LPXN: variants seen among roughly 807,000 people sequenced by gnomAD.
LPXN encodes the protein leupaxin.
In LPXN, 28 loss-of-function variants were observed where a neutral mutation model predicts 45.6. That is an observed-to-expected ratio of 0.61 (90% CI 0.45 to 0.84). The LOEUF (loss-of-function observed/expected upper bound fraction) is 0.84. Ranked by LOEUF, LPXN falls within the 40% of genes least tolerant of loss-of-function variation. The pLI is 0.00. For synonymous variants in LPXN, 166 were observed against 169.9 expected, an observed-to-expected ratio of 0.98 and a Z score of 0.18; for missense variants, 459 against 475.0, an observed-to-expected ratio of 0.97 and a Z score of 0.31.
chr11:58,532,280 C>A (rs1853413786), intron 7 of LPXN, among the ~76,000 whole-genome samples: 1 of 152,238 alleles, frequency 6.6e-6, no homozygotes, highest in Admixed American at 6.5e-5. Context: ...CTGCCCCCTG[C>A]TCCGAGGCGC....
At chr11:58,542,140 T>A (rs920794079) in intron 7 of LPXN, among the ~76,000 whole-genome samples, 1 of 151,772 alleles carries the variant, frequency 6.6e-6, no homozygotes, top group Non-Finnish European at 1.5e-5. Flanking sequence ...TGTATACATA[T>A]GTAACTAACC....
At position 58,575,840 on chromosome 11, in the gene LPXN, A is replaced by C. The variant is rs1352394623; in HGVS notation, c.-68T>G. ...ACAGCTTTGGCATGTGCTGAAGAAG[A>C]GGACCGCAAAGGAACTGGATGAGAC... On this transcript the variant is annotated 5_prime_UTR_variant, in exon 1 of 9. Coordinates refer to ENST00000395074, the MANE Select transcript of LPXN (RefSeq NM_004811.3). 1 of 1,614,042 alleles carries C rather than the reference A, an allele frequency of 6.2e-7. No homozygotes were observed. The highest frequency in any genetic ancestry group is 8.5e-7 in the Non-Finnish European group (1 of 1,179,950).
chr11:58,571,850 A>G (rs547443244), intron 1 of LPXN, among the ~76,000 whole-genome samples: 1 of 152,226 alleles, frequency 6.6e-6, no homozygotes, highest in South Asian at 2.1e-4. Context: ...AGAAAGAGAC[A>G]AAAATAATTT....
At chr11:58,550,806 G>A (rs1273663122) in intron 5 of LPXN, among the ~76,000 whole-genome samples, 1 of 152,070 alleles carries the variant, frequency 6.6e-6, no homozygotes, top group Non-Finnish European at 1.5e-5. Context: ...ATTATGCCTT[G>A]GATATGTCCA....
intron 7 of LPXN, among the ~76,000 whole-genome samples, chr11:58,547,086 C>G (rs1853896981): frequency 6.6e-6 from 1 of 152,102 alleles, no homozygotes; most frequent in African/African-American, 2.4e-5. Context: ...TTAGTGGTAT[C>G]AGAGTTACCC....
At position 58,554,825 on chromosome 11, in the gene LPXN, C is replaced by T; in HGVS notation, c.318+16G>A. 1 of 1,608,482 alleles carries T rather than the reference C, an allele frequency of 6.2e-7. No individual in the cohort carries two copies. Among genetic ancestry groups the T allele is most frequent in the Non-Finnish European group, 8.5e-7 (1 of 1,176,680 alleles). Reference sequence around the variant, plus strand: ...TGCACTCACCTTGGCCTGCACTCACCTTGGCCTGCACTCACCTTGGCCTGC... The same window carrying T: ...TGCACTCACCTTGGCCTGCACTCACTTTGGCCTGCACTCACCTTGGCCTGC... On this transcript the variant is annotated intron_variant, in intron 4 of 8. Coordinates refer to ENST00000395074, the MANE Select transcript of LPXN (RefSeq NM_004811.3).
At chr11:58,576,027 A>G (rs868454804), upstream of LPXN, 40 of 1,161,018 alleles carry the variant, frequency 3.4e-5, no homozygotes, top group African/African-American at 4.7e-4. Context: ...ATGGCAGTGC[A>G]TTGGCCAGGG....
chr11:58,555,987 T>G (rs1048739755), intron 3 of LPXN, among the ~76,000 whole-genome samples: 1 of 151,912 alleles, frequency 6.6e-6, no homozygotes, highest in Admixed American at 6.6e-5. Flanking sequence ...AAACAAAAAC[T>G]GACAGTTTTT....
chr11:58,577,724 C>G (rs1340303191), upstream of LPXN, among the ~76,000 whole-genome samples: 5 of 151,736 alleles, frequency 3.3e-5, no homozygotes, highest in East Asian at 1.9e-4. Context: ...GGCTTCCGGC[C>G]GCAGAGCTTA....
intron 8 of LPXN, 138 bp from the exon 9 acceptor site, chr11:58,527,861 A>C: frequency 8.9e-7 from 1 of 1,126,958 alleles, no homozygotes; most frequent in Non-Finnish European, 1.3e-6. Context: ...TGACAAATGG[A>C]GACTAGATTT....
In LPXN at chr11:58,570,710, G is replaced by A; in HGVS notation, c.17C>T (p.Ala6Val). The change falls in exon 2 of 9, where the codon GCC becomes GTC. Residue 6 changes from alanine to valine, a missense_variant. Physicochemically the swap from Ala to Val is moderately conservative, Grantham distance 64 (BLOSUM62 0). Coordinates refer to ENST00000395074, the MANE Select transcript of LPXN (RefSeq NM_004811.3). Reference protein sequence around the residue: MEELDALLEELERSTL... With the variant: MEELDVLLEELERSTL... ...GGAGCGTTCCAGTTCCTCCAATAAGGCATCTACACCATAAGAAGCAAGAGA... is the reference window on the plus strand; with the variant it reads ...GGAGCGTTCCAGTTCCTCCAATAAGACATCTACACCATAAGAAGCAAGAGA... 6.2e-7 allele frequency: 1 copy of A among 1,603,396 alleles called. No individual in the cohort carries two copies. The highest frequency in any genetic ancestry group is 8.5e-7 in the Non-Finnish European group (1 of 1,173,842).
chr11:58,563,614 T>A (rs1000574280), intron 3 of LPXN, among the ~76,000 whole-genome samples: 1 of 152,254 alleles, frequency 6.6e-6, no homozygotes, highest in Admixed American at 6.5e-5. Flanking sequence ...CCAATTCTGC[T>A]TTAGCCAGGA....
At chr11:58,578,486 C>T (rs1854986428), upstream of LPXN, among the ~76,000 whole-genome samples, 1 of 152,198 alleles carries the variant, frequency 6.6e-6, no homozygotes, top group African/African-American at 2.4e-5. Context: ...GTTTTGCCGC[C>T]GCCATTTTTT....
At chr11:58,550,526 C>G (rs1472068051) in intron 5 of LPXN, among the ~76,000 whole-genome samples, 1 of 152,200 alleles carries the variant, frequency 6.6e-6, no homozygotes, top group South Asian at 2.1e-4. Context: ...TTTTATTCCT[C>G]TAGTTTGAAC....
intron 1 of LPXN, among the ~76,000 whole-genome samples, chr11:58,575,017 T>C (rs1179852231): frequency 6.6e-6 from 1 of 152,216 alleles, no homozygotes; most frequent in Admixed American, 6.5e-5. Context: ...GCAACAGATG[T>C]TGGCAAAGGC....
In LPXN at chr11:58,575,516, GT is replaced by G. The variant is rs527492483; in HGVS notation, c.13+243del. 9.2e-5 allele frequency among the ~76,000 whole-genome samples: 14 copies of G among 152,318 alleles called. No individual in the cohort carries two copies. In the South Asian group the frequency reaches 2.9e-3, roughly 32 times the overall value. ...TCCAGTCCAAAAGTATTTGCCAAGA[GT>G]TTATTCCGCGGTTAGCACCAAACTC... On this transcript the variant is annotated intron_variant, in intron 1 of 8. Transcript: ENST00000395074.
At chr11:58,538,657 A>C (rs911035245) in intron 7 of LPXN, among the ~76,000 whole-genome samples, 1 of 152,158 alleles carries the variant, frequency 6.6e-6, no homozygotes, top group African/African-American at 2.4e-5. Context: ...TACACATGAA[A>C]AGGGTTACTG....
chr11:58,575,863 G>C (rs185496618), upstream of LPXN: 295 of 1,613,378 alleles, frequency 1.8e-4, no homozygotes, highest in Middle Eastern at 2.2e-3. Flanking sequence ...AACTGGATGA[G>C]ACAGCATAAG....
chr11:58,538,027 G>GT (rs1394635716), intron 7 of LPXN, among the ~76,000 whole-genome samples: 2 of 149,662 alleles, frequency 1.3e-5, no homozygotes, highest in Non-Finnish European at 3.0e-5. Flanking sequence ...GTGGCGTTTG[G>GT]TTTTTTGTCC....
Sources: gnomAD v4.1 joint callset for allele counts (sites outside exome capture counted in the v4.1 genomes callset) on GRCh38, gnomAD v4.1.1 for gene constraint, MANE v1.5 for transcripts, NCBI Gene and HGNC (gene_info 2026-07-23, HGNC 2026-07-21) for gene names.